DNAH8: variants seen among roughly 807,000 people sequenced by gnomAD.
DNAH8 encodes the protein dynein axonemal heavy chain 8, also known as axonemal beta dynein heavy chain 8.
Under a neutral mutation model 562.1 loss-of-function variants are expected in DNAH8, and 382 were observed. The observed-to-expected ratio is 0.68, with a 90% CI of 0.63 to 0.74. The LOEUF (loss-of-function observed/expected upper bound fraction) is 0.74. DNAH8 is among the 30% of genes least tolerant of loss of function. DNAH8 has a pLI of 0.00. For synonymous variants in DNAH8, 1,881 were observed against 1,919.4 expected (o/e 0.98, Z 0.52); for missense variants, 5,203 against 5,620.4 (o/e 0.93, Z 2.37).
intron 88 of DNAH8, among the ~76,000 whole-genome samples, chr6:38,998,832 T>G (rs1765304043): frequency 2.0e-5 from 3 of 152,208 alleles, no homozygotes; most frequent in African/African-American, 2.4e-5. Context: ...CCTCAAGGAA[T>G]ATTATAGCTC....
At chr6:38,927,423 A>G (rs114820282) in intron 74 of DNAH8, among the ~76,000 whole-genome samples, 1,960 of 152,322 alleles carry the variant, frequency 0.013, 36 homozygotes, top group Middle Eastern at 0.037. Context: ...AACACGATAC[A>G]TCAGTCTATG....
At chr6:38,936,034 T>C (rs1440016532) in intron 77 of DNAH8, among the ~76,000 whole-genome samples, 1 of 151,956 alleles carries the variant, frequency 6.6e-6, no homozygotes, top group Non-Finnish European at 1.5e-5. Context: ...ATTTTTTTTT[T>C]TTTTTTGAGA....
intron 8 of DNAH8, among the ~76,000 whole-genome samples, chr6:38,745,052 T>C (rs1764816052): frequency 6.6e-6 from 1 of 152,104 alleles, no homozygotes; most frequent in Admixed American, 6.5e-5. Flanking sequence ...TCTCTCAGAG[T>C]TGTGTTTGCA....
chr6:38,764,175 C>T (rs908889943), intron 11 of DNAH8: 8 of 153,350 alleles, frequency 5.2e-5, no homozygotes, highest in Admixed American at 2.0e-4. Context: ...CTCCTAAAAA[C>T]GGAAGAAATA....
At chr6:38,769,545 A>G (rs1002223646) in intron 11 of DNAH8, among the ~76,000 whole-genome samples, 3 of 152,230 alleles carry the variant, frequency 2.0e-5, no homozygotes, top group South Asian at 2.1e-4. Flanking sequence ...ATAGATTTCT[A>G]AGTCCCACTT....
At chr6:38,907,276 A>G (rs1182739247) in intron 63 of DNAH8, among the ~76,000 whole-genome samples, 2 of 152,190 alleles carry the variant, frequency 1.3e-5, no homozygotes, top group Non-Finnish European at 1.5e-5. Context: ...GGGCAGTAAC[A>G]TATGCACTGT....
At position 38,989,993 on chromosome 6, in the gene DNAH8, T is replaced by G. The variant is rs1443298306; in HGVS notation, c.13054-19T>G. ...AGATGCTCATCAATTTTATTTCTTT[T>G]GTTTTCTCTCACATACAGGTCTGGT... On this transcript the variant is annotated intron_variant, in intron 87 of 92. Coordinates refer to ENST00000327475, the MANE Select transcript of DNAH8 (RefSeq NM_001206927.2). 4.0e-6 allele frequency: 6 copies of G among 1,482,960 alleles called. No individual in the cohort carries two copies. The highest frequency in any genetic ancestry group is 5.5e-6 in the Non-Finnish European group (6 of 1,086,564). 91.9% of individuals were successfully genotyped at this position (1,482,960 alleles called of 1,614,324 possible).
At chr6:38,737,708 T>G in intron 6 of DNAH8, 101 bp from the exon 7 acceptor site, 1 of 498,986 alleles carries the variant, frequency 2.0e-6, no homozygotes, top group African/African-American at 2.1e-5. Context: ...ACATTGACAT[T>G]AAATACTTCT....
chr6:38,948,059 T>C (rs1327933825), intron 80 of DNAH8, among the ~76,000 whole-genome samples: 1 of 151,900 alleles, frequency 6.6e-6, no homozygotes, highest in East Asian at 2.0e-4. Flanking sequence ...GAAATCCCCT[T>C]CATCTTTTAG....
At chr6:38,864,781 G>C (rs530721521) in intron 45 of DNAH8, among the ~76,000 whole-genome samples, 1 of 152,252 alleles carries the variant, frequency 6.6e-6, no homozygotes, top group South Asian at 2.1e-4. Context: ...GTATCTTATA[G>C]CTATGATAGC....
chr6:38,715,962 T>TATA (rs1562521872), intron 1 of DNAH8, among the ~76,000 whole-genome samples: 8 of 21,616 alleles, frequency 3.7e-4, no homozygotes, highest in Admixed American at 1.1e-3. Flanking sequence ...ATATATATAT[T>TATA]TTTTTTTTTT....
intron 48 of DNAH8, among the ~76,000 whole-genome samples, chr6:38,869,725 G>C (rs1192321269): frequency 6.6e-6 from 1 of 152,156 alleles, no homozygotes. Flanking sequence ...ATTTCATGGG[G>C]TTGGGACTAC....
intron 25 of DNAH8, 112 bp downstream of exon 25, chr6:38,814,241 C>G: frequency 1.5e-6 from 1 of 681,448 alleles, no homozygotes; most frequent in Non-Finnish European, 2.5e-6. Context: ...TTCACTTTCC[C>G]TCACTATTTA....
At chr6:38,980,751 C>CTAT (rs35242992) in intron 85 of DNAH8, among the ~76,000 whole-genome samples, 2 of 151,682 alleles carry the variant, frequency 1.3e-5, no homozygotes, top group African/African-American at 2.4e-5. Context: ...AGAGCTACTC[C>CTAT]TATTATTATT....
At chr6:38,932,136 T>G (rs1782593228) in intron 76 of DNAH8, 143 bp downstream of exon 76, 2 of 510,772 alleles carry the variant, frequency 3.9e-6, no homozygotes, top group Non-Finnish European at 6.5e-6. Context: ...TTTGCAGCCT[T>G]AATTCCTGTC....
chr6:38,944,643 GC>G (rs1375099072), intron 79 of DNAH8, among the ~76,000 whole-genome samples: 1 of 152,176 alleles, frequency 6.6e-6, no homozygotes, highest in Non-Finnish European at 1.5e-5. Flanking sequence ...TGCTGGGTAT[GC>G]CCATTTGGCC....
chr6:38,915,788 G>T (rs1320487878), intron 68 of DNAH8, among the ~76,000 whole-genome samples: 1 of 152,002 alleles, frequency 6.6e-6, no homozygotes, highest in East Asian at 1.9e-4. Flanking sequence ...GGCAAAAGGG[G>T]CACAGCTTTG....
chr6:38,971,722 T>C, intron 83 of DNAH8, 57 bp downstream of exon 83: 1 of 1,335,228 alleles, frequency 7.5e-7, no homozygotes, highest in Non-Finnish European at 1.0e-6. Context: ...CCCACAATCA[T>C]GGATGTTACC....
At chr6:38,812,326 T>G (rs984169064) in intron 24 of DNAH8, among the ~76,000 whole-genome samples, 2 of 152,176 alleles carry the variant, frequency 1.3e-5, no homozygotes, top group Non-Finnish European at 2.9e-5. Context: ...TGTGATGAGT[T>G]TGGCAAAAAG....
Sources: allele counts gnomAD v4.1 joint callset (sites outside exome capture counted in the v4.1 genomes callset), GRCh38; gene constraint gnomAD v4.1.1; transcripts MANE v1.5; gene names NCBI Gene and HGNC (gene_info 2026-07-23, HGNC 2026-07-21).